Variants in HPD observed in about 807,000 individuals in gnomAD.
HPD encodes the protein 4-hydroxyphenylpyruvate dioxygenase.
Under a neutral mutation model 56.9 loss-of-function variants are expected in HPD, and 35 were observed. That is an observed-to-expected ratio of 0.62 (90% CI 0.47 to 0.82). The LOEUF is 0.82. Ranked by LOEUF, HPD falls within the 40% of genes least tolerant of loss-of-function variation. The pLI, the probability that HPD is intolerant of heterozygous loss-of-function variation, is 0.00. For synonymous variants in HPD, 186 were observed against 200.2 expected, an observed-to-expected ratio of 0.93 and a Z score of 0.60; for missense variants, 442 against 506.8, an observed-to-expected ratio of 0.87 and a Z score of 1.23.
At position 121,856,399 on chromosome 12, in the gene HPD, G is replaced by A. The variant is rs137989475; in HGVS notation, c.249C>T (p.Gly83=). The A allele has an allele frequency of 6.9e-5, 111 of 1,613,944 alleles. 1 individual carries two copies. The Middle Eastern group carries it at 9.9e-4, about 14-fold the overall frequency. The change falls in exon 6 of 14, where the codon GGC becomes GGT. Residue 83 remains glycine (G), a synonymous_variant. Transcript: ENST00000289004. Reference sequence around the variant, plus strand: ...CGTCACCGTGTTTCACCAGGTGATCGCCCATCTCTGTGGCCGGCAGGGAGA... The same window carrying A: ...CGTCACCGTGTTTCACCAGGTGATCACCCATCTCTGTGGCCGGCAGGGAGA... ...SALNPWNKEM[G]DHLVKHGDGV... is the part of the protein sequence containing the mutation.
At chr12:121,877,908 G>A in the HPD span, among the ~76,000 whole-genome samples, 1 of 152,152 alleles carries the variant, frequency 6.6e-6, no homozygotes, top group Non-Finnish European at 1.5e-5. Flanking sequence ...GAATTTTTAT[G>A]TGAAATCCTT....
chr12:121,849,733 G>A lies in HPD; in HGVS notation c.472C>T (p.Pro158Ser). The change falls in exon 8 of 14, where the codon CCT (proline) becomes TCT (serine). Residue 158 changes from proline (P) to serine (S), a missense_variant. Coordinates refer to ENST00000289004, the MANE Select transcript of HPD (RefSeq NM_002150.3). ...ATGAACGCTGGGGCCTCATATCCAG[G>A]CAAGAATTGGCCGATGTAGTTCATC... ...EKMNYIGQFL[P>S]GYEAPAFMDP... 2 of 1,614,002 alleles carry A rather than the reference G, an allele frequency of 1.2e-6. No individual in the cohort carries two copies. Among genetic ancestry groups the A allele is most frequent in the Non-Finnish European group, 1.7e-6 (2 of 1,179,910 alleles).
upstream of HPD, among the ~76,000 whole-genome samples, chr12:121,862,884 G>C (rs1878219444): frequency 6.7e-6 from 1 of 149,854 alleles, no homozygotes; most frequent in Admixed American, 6.7e-5. Context: ...GTTTCACCGT[G>C]TTAGCCAGGA....
chr12:121,864,501 T>C (rs1878269149), upstream of HPD, among the ~76,000 whole-genome samples: 1 of 147,770 alleles, frequency 6.8e-6, no homozygotes, highest in Admixed American at 6.9e-5. Flanking sequence ...TGAAGTGAGC[T>C]ATGATTGTAC....
At position 121,858,032 on chromosome 12, in the gene HPD, G is replaced by A. The variant is rs190992001; in HGVS notation, c.31-213C>T. On this transcript the variant is annotated intron_variant, in intron 2 of 13. Coordinates refer to ENST00000289004, the MANE Select transcript of HPD (RefSeq NM_002150.3). ...GTCTTGGATGGGGAAACCCCCTCAG[G>A]AGGCCTGCCAAGGTTTCACACAGGG... 1.7e-3 allele frequency among the ~76,000 whole-genome samples: 245 copies of A among 147,406 alleles called. 1 individual carries two copies. Among genetic ancestry groups the A allele is most frequent in the African/African-American group, 5.7e-3 (235 of 41,402 alleles).
the HPD span, among the ~76,000 whole-genome samples, chr12:121,869,017 T>C: frequency 1.3e-5 from 2 of 151,954 alleles, no homozygotes. Context: ...GCCTTCCAAG[T>C]AGTTGGGACT....
At chr12:121,855,732 A>G (rs571940548) in intron 6 of HPD, among the ~76,000 whole-genome samples, 1 of 128,742 alleles carries the variant, frequency 7.8e-6, no homozygotes, top group African/African-American at 3.5e-5. Context: ...CACACACAAA[A>G]GAAAGAAAAA....
At chr12:121,882,375 G>A in the HPD span, among the ~76,000 whole-genome samples, 1 of 152,088 alleles carries the variant, frequency 6.6e-6, no homozygotes, top group Middle Eastern at 3.2e-3. Context: ...GTTCTGAAAT[G>A]AAGATGAGCA....
chr12:121,839,567 G>C lies in HPD; in HGVS notation c.*161C>G. ...CTTTAATCGGGAGGGCTGGAGCAGA[G>C]GGCGGCCCCGCCGAGGGGCGTGGTC... On this transcript the variant is annotated 3_prime_UTR_variant, in exon 14 of 14. Coordinates refer to ENST00000289004, the MANE Select transcript of HPD (RefSeq NM_002150.3). The C allele has an allele frequency of 3.1e-6, 2 of 654,570 alleles. No individual in the cohort carries two copies. The highest frequency in any genetic ancestry group is 5.5e-6 in the Non-Finnish European group (2 of 363,834). 40.5% of individuals were successfully genotyped at this position (654,570 alleles called of 1,614,324 possible). A position where few individuals can be genotyped will look rare whatever the true frequency, so the allele number is the denominator to read the frequency against.
chr12:121,859,340 A>G (rs1380692650), upstream of HPD: 2 of 215,462 alleles, frequency 9.3e-6, no homozygotes, highest in African/African-American at 4.5e-5. Context: ...AAATCACCAT[A>G]TCCCTTTGAG....
intron 12 of HPD, among the ~76,000 whole-genome samples, chr12:121,841,564 A>G (rs1019086365): frequency 2.6e-5 from 4 of 152,216 alleles, no homozygotes. Flanking sequence ...GTGTCTATCT[A>G]TACAATGGGA....
intron 7 of HPD, among the ~76,000 whole-genome samples, chr12:121,854,483 G>T (rs551997960): frequency 2.6e-4 from 40 of 152,238 alleles, no homozygotes; most frequent in African/African-American, 9.4e-4. Flanking sequence ...CCCCCTTGCT[G>T]TCATCCTCCC....
the HPD span, among the ~76,000 whole-genome samples, chr12:121,871,800 C>T: frequency 6.6e-6 from 1 of 152,098 alleles, no homozygotes; most frequent in Admixed American, 6.6e-5. Context: ...CTCCTGGCAT[C>T]CTCTGAGTCT....
chr12:121,859,251 C>T (rs796906633), upstream of HPD: 3 of 310,682 alleles, frequency 9.7e-6, no homozygotes, highest in African/African-American at 4.3e-5. Flanking sequence ...TGCGTCACAG[C>T]GTTGTATTCC....
At chr12:121,850,775 T>C (rs1170127087) in intron 7 of HPD, among the ~76,000 whole-genome samples, 1 of 149,162 alleles carries the variant, frequency 6.7e-6, no homozygotes, top group African/African-American at 2.5e-5. Flanking sequence ...CTTGGCTCTC[T>C]GCAACCTCCG....
At chr12:121,843,187 C>T (rs1877464496) in intron 12 of HPD, among the ~76,000 whole-genome samples, 4 of 152,226 alleles carry the variant, frequency 2.6e-5, no homozygotes, top group Admixed American at 2.0e-4. Flanking sequence ...CCAGTGGTTT[C>T]TGGTCACAAA....
chr12:121,857,608 G>A, intron 3 of HPD, 149 bp downstream of exon 3: 3 of 829,324 alleles, frequency 3.6e-6, no homozygotes, highest in South Asian at 1.4e-5. Context: ...CTTTCCCGCT[G>A]GTGTAATTAG....
Position 121,856,798 on chromosome 12 carries a change from G to T in HPD, c.199-173C>A, listed in dbSNP as rs530548888. 62 of 678,434 alleles carry T rather than the reference G, an allele frequency of 9.1e-5. 1 individual carries two copies. In the South Asian group the frequency reaches 9.8e-4, roughly 11 times the overall value. 42.0% of individuals were successfully genotyped at this position (678,434 alleles called of 1,614,324 possible). Reference sequence around the variant, plus strand: ...TTCCCACACTGGTCCTGAGGGATGGGGCTTTCAGCCAGACCCCCTCTGGAT... The same window carrying T: ...TTCCCACACTGGTCCTGAGGGATGGTGCTTTCAGCCAGACCCCCTCTGGAT... On this transcript the variant is annotated intron_variant, in intron 4 of 13. Coordinates refer to ENST00000289004, the MANE Select transcript of HPD (RefSeq NM_002150.3).
rs756810403 is a variant in HPD, at chr12:121,846,909, C to A, written c.784G>T (p.Ala262Ser). ...IQEYVDYNGG[A>S]GVQHIALKTE... ...TTGAGAGCGATGTGCTGGACCCCAGCGCCCCCGTTATAGTCCACATATTCC... is the reference window on the plus strand; with the variant it reads ...TTGAGAGCGATGTGCTGGACCCCAGAGCCCCCGTTATAGTCCACATATTCC... The change falls in exon 11 of 14, where the codon GCT becomes TCT. Residue 262 changes from alanine to serine, a missense_variant. Transcript: ENST00000289004. 6.2e-7 allele frequency: 1 copy of A among 1,614,010 alleles called. No individual in the cohort carries two copies. Among genetic ancestry groups the A allele is most frequent in the Non-Finnish European group, 8.5e-7 (1 of 1,180,020 alleles).
Sources: allele counts gnomAD v4.1 joint callset (sites outside exome capture counted in the v4.1 genomes callset), GRCh38; gene constraint gnomAD v4.1.1; transcripts MANE v1.5; gene names NCBI Gene and HGNC (gene_info 2026-07-23, HGNC 2026-07-21).